CNDP1: variants seen among roughly 807,000 people sequenced by gnomAD.
CNDP1 encodes the protein beta-Ala-His dipeptidase.
Under a neutral mutation model 58.1 loss-of-function variants are expected in CNDP1, and 44 were observed. The observed-to-expected ratio is 0.76, with a 90% confidence interval of 0.60 to 0.97. The LOEUF is 0.97. CNDP1 is among the 50% of genes least tolerant of loss of function. The probability of loss-of-function intolerance (pLI) is 0.00; values close to 1 mark genes in which losing one functional copy is unlikely to be tolerated. For synonymous variants in CNDP1, 254 were observed against 252.6 expected, an observed-to-expected ratio of 1.01 and a Z score of -0.05; for missense variants, 616 against 655.1, an observed-to-expected ratio of 0.94 and a Z score of 0.65.
chr18:74,541,713 C>T (rs1980628880), intron 1 of CNDP1, among the ~76,000 whole-genome samples: 1 of 152,188 alleles, frequency 6.6e-6, no homozygotes, highest in African/African-American at 2.4e-5. Context: ...CAGCCCTAAT[C>T]AGGAGGTAGG....
chr18:74,541,192 G>T (rs1367248337), intron 1 of CNDP1, among the ~76,000 whole-genome samples: 1 of 152,216 alleles, frequency 6.6e-6, no homozygotes, highest in African/African-American at 2.4e-5. Flanking sequence ...GTGCAGCCTC[G>T]GTCATGGGCT....
At chr18:74,541,701 C>T (rs146672055) in intron 1 of CNDP1, among the ~76,000 whole-genome samples, 2 of 152,196 alleles carry the variant, frequency 1.3e-5, no homozygotes, top group South Asian at 2.1e-4. Flanking sequence ...GCCCCTTCGT[C>T]CCAGCCCTAA....
At chr18:74,565,645 G>A (rs927014195) in intron 5 of CNDP1, among the ~76,000 whole-genome samples, 5 of 152,144 alleles carry the variant, frequency 3.3e-5, no homozygotes, top group African/African-American at 1.2e-4. Context: ...TGATGCTAGA[G>A]GTGGGTTCCC....
intron 1 of CNDP1, among the ~76,000 whole-genome samples, chr18:74,550,737 C>T (rs375791522): frequency 2.3e-5 from 3 of 128,380 alleles, no homozygotes; most frequent in South Asian, 5.3e-4. Context: ...CCACCACGCC[C>T]GACTATTTTT....
intron 2 of CNDP1, among the ~76,000 whole-genome samples, chr18:74,559,007 T>C (rs1981115748): frequency 1.3e-5 from 2 of 152,040 alleles, no homozygotes; most frequent in South Asian, 4.2e-4. Context: ...TTAGAAACAG[T>C]GGGTGGGGAC....
chr18:74,561,708 G>T, intron 4 of CNDP1: 1 of 220,222 alleles, frequency 4.5e-6, no homozygotes, highest in South Asian at 7.9e-5. Flanking sequence ...GCTATGCCAC[G>T]TGGCACTCTG....
At chr18:74,568,582 G>A (rs553779810) in intron 6 of CNDP1, among the ~76,000 whole-genome samples, 8 of 152,158 alleles carry the variant, frequency 5.3e-5, no homozygotes, top group Non-Finnish European at 8.8e-5. Context: ...AGGCACTGAG[G>A]AGGTGGGAGG....
chr18:74,559,361 C>G lies in CNDP1; in HGVS notation c.192C>G (p.Val64=). The G allele has an allele frequency of 6.2e-7, 1 of 1,614,064 alleles. No homozygotes were observed. Among genetic ancestry groups the G allele is most frequent in the Non-Finnish European group, 8.5e-7 (1 of 1,180,012 alleles). The change falls in exon 3 of 12, where the codon GTC becomes GTG. Residue 64 remains valine, a synonymous_variant. Transcript: ENST00000358821. Reference sequence around the variant, plus strand: ...GGGTGGCCATCGAGAGCGACTCTGTCCAGCCTGTGCCTCGCTTCAGACAAG... The same window carrying G: ...GGGTGGCCATCGAGAGCGACTCTGTGCAGCCTGTGCCTCGCTTCAGACAAG... ...KEWVAIESDS[V]QPVPRFRQEL...
chr18:74,555,435 G>T (rs946539939), intron 1 of CNDP1, among the ~76,000 whole-genome samples: 2 of 152,196 alleles, frequency 1.3e-5, no homozygotes, highest in Non-Finnish European at 2.9e-5. Flanking sequence ...CACTGGGGGA[G>T]ATGTTGCTGA....
Position 74,573,760 on chromosome 18 carries a change from G to A in CNDP1, c.841+2490G>A, listed in dbSNP as rs893992859. Reference sequence around the variant, plus strand: ...ATGATTGCTGCATGGCATCTTTTTCGGCTGCGTGGCTTCAGCCAGGCATCG... The same window carrying A: ...ATGATTGCTGCATGGCATCTTTTTCAGCTGCGTGGCTTCAGCCAGGCATCG... On this transcript the variant is annotated intron_variant, in intron 7 of 11. Transcript: ENST00000358821. Among the ~76,000 whole-genome samples the A allele has an allele frequency of 5.9e-5, 9 of 152,126 alleles. 1 individual carries two copies. The highest frequency in any genetic ancestry group is 4.2e-4 in the South Asian group (2 of 4,818).
intron 3 of CNDP1, among the ~76,000 whole-genome samples, chr18:74,560,413 T>C (rs1388828246): frequency 6.6e-6 from 1 of 152,214 alleles, no homozygotes. Context: ...TATATCTTAA[T>C]TAAAAGTGTC....
rs10469123 is a variant in CNDP1 at position 74,562,575 on chromosome 18, A to T, written c.555+440A>T. Among the ~76,000 whole-genome samples, 86 of 152,248 alleles carry T rather than the reference A, an allele frequency of 5.6e-4. 1 individual carries two copies. The highest frequency in any genetic ancestry group is 2.0e-3 in the African/African-American group (81 of 41,524). ...AGACACACACACATTTTTAAAATGT[A>T]TCAGCTACTTTGCAAATGATCAAGA... On this transcript the variant is annotated intron_variant, in intron 5 of 11. Transcript: ENST00000358821.
Position 74,552,978 on chromosome 18 carries a change from G to C in CNDP1, c.25-3360G>C, listed in dbSNP as rs1244391671. Reference sequence around the variant, plus strand: ...TGGCTTTTTAATTCTAGCCATCATAGAGGGTAGGAAGTTGTGTCTCATGTA... The same window carrying C: ...TGGCTTTTTAATTCTAGCCATCATACAGGGTAGGAAGTTGTGTCTCATGTA... On this transcript the variant is annotated intron_variant, in intron 1 of 11. Transcript: ENST00000358821. Among the ~76,000 whole-genome samples the C allele has an allele frequency of 3.3e-5, 5 of 152,322 alleles. No individual in the cohort carries two copies. The East Asian group carries it at 7.7e-4, about 23-fold the overall frequency.
intron 6 of CNDP1, 72 bp downstream of exon 6, chr18:74,567,505 A>T (rs1981362022): frequency 7.6e-7 from 1 of 1,316,786 alleles, no homozygotes; most frequent in African/African-American, 1.4e-5. Context: ...CCATTCTGGG[A>T]TCTTGGAGAG....
intron 10 of CNDP1, among the ~76,000 whole-genome samples, chr18:74,582,356 T>C (rs1981810811): frequency 6.6e-6 from 1 of 152,228 alleles, no homozygotes; most frequent in Non-Finnish European, 1.5e-5. Context: ...ACTGGCAGCA[T>C]GTCCGGTAAG....
intron 1 of CNDP1, among the ~76,000 whole-genome samples, chr18:74,549,017 A>C (rs1980832232): frequency 6.6e-6 from 1 of 152,232 alleles, no homozygotes; most frequent in South Asian, 2.1e-4. Context: ...GAAATGACTT[A>C]AAGTTGGAAT....
At chr18:74,535,314 A>AACACACACAT (rs1435249304) in intron 1 of CNDP1, among the ~76,000 whole-genome samples, 8 of 151,926 alleles carry the variant, frequency 5.3e-5, no homozygotes, top group Non-Finnish European at 1.0e-4. Context: ...TTCCATTGCA[A>AACACACACAT]ACACACACAT....
In CNDP1 at chr18:74,576,928, C is replaced by T. The variant is rs1568300176; in HGVS notation, c.901C>T (p.Pro301Ser). The T allele has an allele frequency of 6.2e-7, 1 of 1,613,450 alleles. No individual in the cohort carries two copies. Among genetic ancestry groups the T allele is most frequent in the Non-Finnish European group, 8.5e-7 (1 of 1,179,706 alleles). The change falls in exon 8 of 12, where the codon CCT becomes TCT. Residue 301 changes from proline (P) to serine (S), a missense_variant. Pro to Ser is a moderately conservative substitution (Grantham distance 74). Coordinates refer to ENST00000358821, the MANE Select transcript of CNDP1 (RefSeq NM_032649.6). Reference sequence around the variant, plus strand: ...CCCTGGAATCTATGATGAAGTGGTTCCTCTTACAGAAGAGGAAATAAATAC... The same window carrying T: ...CCCTGGAATCTATGATGAAGTGGTTTCTCTTACAGAAGAGGAAATAAATAC... Reference protein sequence around the residue: ...LVPGIYDEVVPLTEEEINTYK... With the variant: ...LVPGIYDEVVSLTEEEINTYK...
rs138436160 is a variant in CNDP1 at position 74,570,334 on chromosome 18, G to A, written c.757-852G>A. The stretch of plus-strand genomic sequence containing the variant: ...ACAAAAAGAAATCCTGGCTTGGCCC[G>A]GGTGGTCCAGTGGTCTTGTAAGGAA... On this transcript the variant is annotated intron_variant, in intron 6 of 11. Transcript: ENST00000358821. Among the ~76,000 whole-genome samples the A allele has an allele frequency of 4.3e-3, 651 of 152,192 alleles. 3 individuals carry two copies. The highest frequency in any genetic ancestry group is 9.9e-3 in the South Asian group (48 of 4,832).
Sources: allele counts gnomAD v4.1 joint callset (sites outside exome capture counted in the v4.1 genomes callset), GRCh38; gene constraint gnomAD v4.1.1; transcripts MANE v1.5; gene names NCBI Gene and HGNC (gene_info 2026-07-23, HGNC 2026-07-21).